TMEM144: variants seen among roughly 807,000 people sequenced by gnomAD.
TMEM144 encodes the protein transmembrane protein 144.
Under a neutral mutation model 43.6 loss-of-function variants are expected in TMEM144, and 39 were observed. The observed-to-expected ratio is 0.90, with a 90% CI of 0.69 to 1.17. The LOEUF is 1.17. Among genes scored for constraint, TMEM144 ranks in the 50% most tolerant of loss-of-function variants. The pLI is 0.00. For missense variants in TMEM144, 417 were observed against 411.9 expected (o/e 1.01, Z -0.11); for synonymous variants, 154 against 133.6 (o/e 1.15, Z -1.06).
At chr4:158,233,072 G>A in intron 7 of TMEM144, 90 bp downstream of exon 7, 1 of 999,030 alleles carries the variant, frequency 1.0e-6, no homozygotes, top group Middle Eastern at 2.2e-4. Flanking sequence ...TGAAAAAGTG[G>A]TGTTTGCTCA....
At position 158,215,232 on chromosome 4, in the gene TMEM144, G is replaced by T. The variant is rs1441914157; in HGVS notation, c.151G>T (p.Val51Phe). 3.7e-6 allele frequency: 6 copies of T among 1,613,780 alleles called. No homozygotes were observed. The highest frequency in any genetic ancestry group is 2.2e-5 in the East Asian group (1 of 44,862). ...GGTTCTTTGTGCTGCCATATGGTTG[G>T]TTGCCTTGGTTGTCAATCTGATATT... ...QWVLCAAIWL[V>F]ALVVNLILHC... Residue 51 changes from valine (V) to phenylalanine (F), a missense_variant, in exon 4 of 13, where the codon GTT (valine) becomes TTT (phenylalanine). By Grantham distance (50) the Val-to-Phe change is conservative. Transcript: ENST00000296529.
chr4:158,235,438 G>A lies in TMEM144; in HGVS notation c.496G>A (p.Val166Met), dbSNP rs1231733437. The A allele has an allele frequency of 1.9e-6, 3 of 1,613,582 alleles. No individual in the cohort carries two copies. The Admixed American group carries it at 5.0e-5, about 27-fold the overall frequency. The change falls in exon 8 of 13, where the codon GTG becomes ATG. Residue 166 changes from valine to methionine, a missense_variant and splice_region_variant. Transcript: ENST00000296529. ...MDTTPLITEH[V>M]INTTQDPCSW... ...TAATTTGGGCCAATGTTTTCAATAG[G>A]TGATCAACACAACCCAAGACCCCTG... is the stretch of plus-strand genomic sequence containing the variant.
At position 158,217,346 on chromosome 4, in the gene TMEM144, C is replaced by G. The variant is rs202038549; in HGVS notation, c.258C>G (p.Ile86Met). The change falls in exon 5 of 13, where the codon ATC becomes ATG. Residue 86 changes from isoleucine (I) to methionine (M), a missense_variant. Coordinates refer to ENST00000296529, the MANE Select transcript of TMEM144 (RefSeq NM_018342.5). ...ATGNIAVVPI[I>M]KTIGLGLGIL... ...GGAACATTGCTGTTGTCCCAATTATCAAAACCATTGGTTTAGGCCTTGGAA... is the reference window on the plus strand; with the variant it reads ...GGAACATTGCTGTTGTCCCAATTATGAAAACCATTGGTTTAGGCCTTGGAA... The G allele has an allele frequency of 1.2e-6, 2 of 1,612,954 alleles. No homozygotes were observed. The highest frequency in any genetic ancestry group is 1.7e-4 in the Middle Eastern group (1 of 6,050).
In TMEM144 at chr4:158,237,650, A is replaced by T; in HGVS notation, c.682+7A>T. 6.5e-7 allele frequency: 1 copy of T among 1,549,326 alleles called. No homozygotes were observed. Among genetic ancestry groups the T allele is most frequent in the Non-Finnish European group, 8.9e-7 (1 of 1,128,316 alleles). ...GCAGGGGCAAGCCAATATGGTGAGA[A>T]TAAAAAGTTATCTTACTTTATTAAT... On this transcript the variant is annotated splice_region_variant and intron_variant, in intron 9 of 12. Coordinates refer to ENST00000296529, the MANE Select transcript of TMEM144 (RefSeq NM_018342.5).
At chr4:158,250,648 G>A (rs1736155882) in intron 12 of TMEM144, among the ~76,000 whole-genome samples, 2 of 152,160 alleles carry the variant, frequency 1.3e-5, no homozygotes, top group Non-Finnish European at 2.9e-5. Flanking sequence ...ATCTATGCTG[G>A]GGGAAATGAG....
intron 10 of TMEM144, 79 bp from the exon 11 acceptor site, chr4:158,241,430 G>T (rs937535547): frequency 9.6e-7 from 1 of 1,043,732 alleles, no homozygotes; most frequent in East Asian, 2.4e-5. Flanking sequence ...TGTGCACTTT[G>T]ATATTCCTGT....
At chr4:158,223,451 T>C (rs1734603791) in intron 6 of TMEM144, among the ~76,000 whole-genome samples, 1 of 152,212 alleles carries the variant, frequency 6.6e-6, no homozygotes, top group Non-Finnish European at 1.5e-5. Flanking sequence ...TTATTTTTTT[T>C]ACTTTAAGTT....
chr4:158,226,250 A>T lies in TMEM144; in HGVS notation c.414-6651A>T, dbSNP rs867698248. 1.1e-4 allele frequency among the ~76,000 whole-genome samples: 17 copies of T among 152,310 alleles called. 1 individual carries two copies. Among genetic ancestry groups the T allele is most frequent in the Middle Eastern group, 3.4e-3 (1 of 294 alleles). ...TATATTAGTGTGTTATTAATGTTAA[A>T]CTTAATTTTAATAAAATCTTGTAGA... On this transcript the variant is annotated intron_variant, in intron 6 of 12. Coordinates refer to ENST00000296529, the MANE Select transcript of TMEM144 (RefSeq NM_018342.5).
In TMEM144 at chr4:158,253,483, A is replaced by G. The variant is rs758212029; in HGVS notation, c.994A>G (p.Ile332Val). ...NYLLMILAFC[I>V]ILTGALCTAF... is the part of the protein sequence containing the mutation. ...CCTATTAATGATACTTGCATTTTGC[A>G]TCATCTTGACTGGAGCCTTATGCAC... Residue 332 changes from isoleucine to valine, a missense_variant, in exon 13 of 13, where the codon ATC (isoleucine) becomes GTC (valine). Ile to Val is a conservative substitution (Grantham distance 29). Transcript: ENST00000296529. 1.2e-6 allele frequency: 2 copies of G among 1,613,892 alleles called. No individual in the cohort carries two copies. The highest frequency in any genetic ancestry group is 2.2e-5 in the South Asian group (2 of 91,052).
Position 158,237,721 on chromosome 4 carries a change from T to C in TMEM144, c.682+78T>C, listed in dbSNP as rs956693521. ...AAAAGAATTGTGATAATAGTAAATATTGATGGGTCGATTCGATCTTTCTTT... is the reference window on the plus strand; with the variant it reads ...AAAAGAATTGTGATAATAGTAAATACTGATGGGTCGATTCGATCTTTCTTT... On this transcript the variant is annotated intron_variant, in intron 9 of 12. Coordinates refer to ENST00000296529, the MANE Select transcript of TMEM144 (RefSeq NM_018342.5). 6 of 992,514 alleles carry C rather than the reference T, an allele frequency of 6.0e-6. No individual in the cohort carries two copies. The East Asian group carries it at 1.3e-4, about 22-fold the overall frequency. 61.5% of individuals were successfully genotyped at this position (992,514 alleles called of 1,614,324 possible). A position where few individuals can be genotyped will look rare whatever the true frequency, so the allele number is the denominator to read the frequency against.
At chr4:158,249,362 T>G (rs1427943617) in intron 12 of TMEM144, among the ~76,000 whole-genome samples, 1 of 152,224 alleles carries the variant, frequency 6.6e-6, no homozygotes, top group Non-Finnish European at 1.5e-5. Context: ...CAACAATGTA[T>G]AGGTCAGTAA....
chr4:158,224,526 A>G (rs1011913817), intron 6 of TMEM144, among the ~76,000 whole-genome samples: 1 of 152,230 alleles, frequency 6.6e-6, no homozygotes, highest in African/African-American at 2.4e-5. Context: ...CATACCTTGT[A>G]TAGAATAACA....
Position 158,253,510 on chromosome 4 carries a change from G to A in TMEM144, c.1021G>A (p.Ala341Thr). 6.2e-7 allele frequency: 1 copy of A among 1,613,504 alleles called. No homozygotes were observed. The highest frequency in any genetic ancestry group is 8.5e-7 in the Non-Finnish European group (1 of 1,179,714). The change falls in exon 13 of 13, where the codon GCT becomes ACT. Residue 341 changes from alanine to threonine, a missense_variant. Physicochemically the swap from Ala to Thr is moderately conservative, Grantham distance 58. Coordinates refer to ENST00000296529, the MANE Select transcript of TMEM144 (RefSeq NM_018342.5). ...CIILTGALCT[A>T]FSKI ...CATCTTGACTGGAGCCTTATGCACTGCTTTTTCTAAAATCTAACAATGACA... is the reference window on the plus strand; with the variant it reads ...CATCTTGACTGGAGCCTTATGCACTACTTTTTCTAAAATCTAACAATGACA...
chr4:158,229,936 G>T (rs548786660), intron 6 of TMEM144, among the ~76,000 whole-genome samples: 1 of 135,380 alleles, frequency 7.4e-6, no homozygotes, highest in Non-Finnish European at 1.6e-5. Context: ...ATGGTAATGA[G>T]TCCCAGTGCT....
Position 158,228,950 on chromosome 4 carries a change from G to A in TMEM144, c.414-3951G>A, listed in dbSNP as rs184291126. Among the ~76,000 whole-genome samples, 161 of 152,228 alleles carry A rather than the reference G, an allele frequency of 1.1e-3. 1 individual carries two copies. The highest frequency in any genetic ancestry group is 3.8e-3 in the African/African-American group (159 of 41,560). On this transcript the variant is annotated intron_variant, in intron 6 of 12. Coordinates refer to ENST00000296529, the MANE Select transcript of TMEM144 (RefSeq NM_018342.5). Reference sequence around the variant, plus strand: ...TCGTGATGGATTGAGCAAGCAGGGGGTAGTTGACTGGGGGCTGCATGCACC... The same window carrying A: ...TCGTGATGGATTGAGCAAGCAGGGGATAGTTGACTGGGGGCTGCATGCACC...
intron 12 of TMEM144, among the ~76,000 whole-genome samples, chr4:158,250,015 G>C (rs1736114576): frequency 6.6e-6 from 1 of 151,116 alleles, no homozygotes; most frequent in Non-Finnish European, 1.5e-5. Context: ...TTCTGTTAGT[G>C]CTAAGGATCA....
intron 8 of TMEM144, chr4:158,235,816 G>C (rs768660287): frequency 1.3e-4 from 31 of 240,852 alleles, no homozygotes; most frequent in Non-Finnish European, 2.1e-4. Flanking sequence ...TGACCAACCT[G>C]CTCTCAGCAG....
chr4:158,245,845 T>C (rs1475730738), intron 12 of TMEM144, among the ~76,000 whole-genome samples: 2 of 152,070 alleles, frequency 1.3e-5, no homozygotes, highest in Admixed American at 1.3e-4. Context: ...GGAGGATTCC[T>C]TGGGTTCAGG....
chr4:158,212,336 A>C (rs111399089), intron 2 of TMEM144: 6 of 177,360 alleles, frequency 3.4e-5, no homozygotes, highest in African/African-American at 1.4e-4. Context: ...AACTTTCTGC[A>C]GTGATGGAAC....
Sources: gnomAD v4.1 joint callset for allele counts (sites outside exome capture counted in the v4.1 genomes callset) on GRCh38, gnomAD v4.1.1 for gene constraint, MANE v1.5 for transcripts, NCBI Gene and HGNC (gene_info 2026-07-23, HGNC 2026-07-21) for gene names.